Variants in VIT observed in about 807,000 individuals in gnomAD.
VIT encodes the protein vitrin.
Under a neutral mutation model 78.0 loss-of-function variants are expected in VIT, and 99 were observed. That is an observed-to-expected ratio of 1.27 (90% CI 1.08 to 1.50). VIT has a LOEUF of 1.50. Among genes scored for constraint, VIT ranks in the 40% most tolerant of loss-of-function variants. The pLI, the probability that VIT is intolerant of heterozygous loss-of-function variation, is 0.00. For synonymous variants in VIT, 374 were observed against 334.3 expected (o/e 1.12, Z -1.29); for missense variants, 1,126 against 875.3 (o/e 1.29, Z -3.61).
intron 12 of VIT, 83 bp downstream of exon 12, chr2:36,787,359 C>A: frequency 6.7e-7 from 1 of 1,491,200 alleles, no homozygotes; most frequent in Non-Finnish European, 9.0e-7. Context: ...TTTTATGCCA[C>A]AAATATTACC....
chr2:36,698,162 T>C (rs1466035862), intron 1 of VIT, among the ~76,000 whole-genome samples: 1 of 152,158 alleles, frequency 6.6e-6, no homozygotes, highest in African/African-American at 2.4e-5. Flanking sequence ...CATTTTTTTA[T>C]TGCAATATGC....
intron 15 of VIT, among the ~76,000 whole-genome samples, chr2:36,809,234 C>T (rs1021815040): frequency 3.3e-5 from 5 of 152,116 alleles, no homozygotes; most frequent in African/African-American, 1.2e-4. Flanking sequence ...CTGTGGATGA[C>T]TGGGCGCATT....
intron 6 of VIT, among the ~76,000 whole-genome samples, chr2:36,766,123 T>C (rs1235376770): frequency 6.6e-6 from 1 of 152,220 alleles, no homozygotes; most frequent in Admixed American, 6.5e-5. Context: ...TTCAGAGATA[T>C]TCTCAGAGCA....
chr2:36,762,677 G>T (rs1669195535), intron 6 of VIT, among the ~76,000 whole-genome samples: 2 of 152,156 alleles, frequency 1.3e-5, no homozygotes, highest in Admixed American at 1.3e-4. Context: ...CAGAAGAGAT[G>T]AAGGCTGAGC....
intron 1 of VIT, among the ~76,000 whole-genome samples, chr2:36,706,554 TTA>T (rs1256508518): frequency 6.6e-6 from 1 of 152,180 alleles, no homozygotes; most frequent in African/African-American, 2.4e-5. Context: ...TGCCGTCCTC[TTA>T]TACATCTTAT....
chr2:36,721,099 C>A (rs950859775), intron 2 of VIT, among the ~76,000 whole-genome samples: 3 of 151,840 alleles, frequency 2.0e-5, no homozygotes, highest in Non-Finnish European at 4.4e-5. Context: ...GCTTATAAAA[C>A]CGCATTGTTT....
At chr2:36,728,443 AAG>A (rs1200737109) in intron 2 of VIT, among the ~76,000 whole-genome samples, 2 of 152,150 alleles carry the variant, frequency 1.3e-5, no homozygotes, top group East Asian at 1.9e-4. Flanking sequence ...GTTATTACAA[AAG>A]AGTCAAACAG....
At chr2:36,720,465 G>T (rs1283825469) in intron 2 of VIT, among the ~76,000 whole-genome samples, 2 of 152,066 alleles carry the variant, frequency 1.3e-5, no homozygotes, top group African/African-American at 2.4e-5. Context: ...TGGGCCCTTA[G>T]CTCACACTGT....
rs1172950339 is a variant in VIT, at chr2:36,814,447, G to T, written c.*86G>T. On this transcript the variant is annotated 3_prime_UTR_variant, in exon 16 of 16. Transcript: ENST00000379242. ...CACCGCTTAATGGGGCACGCACGGT[G>T]CATCAAGTCTTGGGCAGGGCATGGA... The T allele has an allele frequency of 1.3e-5, 19 of 1,487,316 alleles. No individual in the cohort carries two copies. In the East Asian group the frequency reaches 4.1e-4, roughly 32 times the overall value. 92.1% of individuals were successfully genotyped at this position (1,487,316 alleles called of 1,614,324 possible). A position where few individuals can be genotyped will look rare whatever the true frequency, so the allele number is the denominator to read the frequency against.
chr2:36,781,736 A>G lies in VIT; in HGVS notation c.812A>G (p.Asp271Gly). 2 of 1,614,104 alleles carry G rather than the reference A, an allele frequency of 1.2e-6. No individual in the cohort carries two copies. The highest frequency in any genetic ancestry group is 1.7e-6 in the Non-Finnish European group (2 of 1,180,022). ...VGADVSLGEM[D>G]SWKPGSVLLD... The stretch of plus-strand genomic sequence containing the variant: ...CAATTTTGAAAATCAGGAGAGATGG[A>G]CTCATGGAAACCTGGATCGGTCCTT... Residue 271 changes from aspartate to glycine, a missense_variant, in exon 10 of 16, where the codon GAC becomes GGC. Transcript: ENST00000379242.
intron 3 of VIT, among the ~76,000 whole-genome samples, chr2:36,739,429 C>T (rs993169004): frequency 2.6e-5 from 4 of 152,194 alleles, no homozygotes; most frequent in Non-Finnish European, 5.9e-5. Flanking sequence ...GAAATATTTG[C>T]AGTTCTTCCT....
intron 15 of VIT, 52 bp downstream of exon 15, chr2:36,809,037 G>A: frequency 6.6e-7 from 1 of 1,519,882 alleles, no homozygotes; most frequent in South Asian, 1.3e-5. Context: ...TCTGGGGCTT[G>A]GTGGGCCAGT....
Position 36,767,192 on chromosome 2 carries a change from A to T in VIT, c.586A>T (p.Thr196Ser), listed in dbSNP as rs1572503419. ...TCTGGCTGTCACTGTAGCTGTGGCC[A>T]CCCCCACCACCTTGCCAAGGCCATC... Reference protein sequence around the residue: ...QLLAVTVAVATPTTLPRPSPS... With the variant: ...QLLAVTVAVASPTTLPRPSPS... Residue 196 changes from threonine (T) to serine (S), a missense_variant, in exon 7 of 16, where the codon ACC (threonine) becomes TCC (serine). Thr to Ser is a moderately conservative substitution (Grantham distance 58). Transcript: ENST00000379242. The T allele has an allele frequency of 6.2e-7, 1 of 1,609,858 alleles. No individual in the cohort carries two copies. The highest frequency in any genetic ancestry group is 1.1e-5 in the South Asian group (1 of 89,974).
At chr2:36,791,033 C>T (rs1665462792) in intron 12 of VIT, among the ~76,000 whole-genome samples, 1 of 152,152 alleles carries the variant, frequency 6.6e-6, no homozygotes, top group Admixed American at 6.5e-5. Context: ...TCATTTCAGG[C>T]CCCCATCTCA....
intron 15 of VIT, among the ~76,000 whole-genome samples, chr2:36,812,833 C>A (rs530579625): frequency 2.7e-5 from 4 of 150,852 alleles, no homozygotes; most frequent in Non-Finnish European, 5.9e-5. Flanking sequence ...ACCAAACTAC[C>A]AGTGTCTTGG....
chr2:36,787,108 G>C lies in VIT; in HGVS notation c.911-21G>C, dbSNP rs184994763. On this transcript the variant is annotated intron_variant, in intron 11 of 15. Coordinates refer to ENST00000379242, the MANE Select transcript of VIT (RefSeq NM_053276.4). Reference sequence around the variant, plus strand: ...GCAGTGAGAGATCATGAGAATAATAGAGTCTTTTTCCGTTCCGCAGACTGC... The same window carrying C: ...GCAGTGAGAGATCATGAGAATAATACAGTCTTTTTCCGTTCCGCAGACTGC... The C allele has an allele frequency of 7.7e-4, 1,246 of 1,613,954 alleles. 3 individuals are homozygous for C. Among genetic ancestry groups the C allele is most frequent in the Admixed American group, 1.5e-3 (93 of 60,004 alleles).
chr2:36,767,083 T>C lies in VIT; in HGVS notation c.488-11T>C, dbSNP rs752177077. The C allele has an allele frequency of 2.5e-6, 4 of 1,569,058 alleles. No homozygotes were observed. In the East Asian group the frequency reaches 9.2e-5, roughly 36 times the overall value. The stretch of plus-strand genomic sequence containing the variant: ...TTTTGTGGGCCTTGGTATAATTCCA[T>C]TTTCTTACAGGTGAGACCACAAAAG... On this transcript the variant is annotated splice_polypyrimidine_tract_variant and intron_variant, in intron 6 of 15. Coordinates refer to ENST00000379242, the MANE Select transcript of VIT (RefSeq NM_053276.4).
chr2:36,791,839 T>C (rs1009866807), intron 12 of VIT, among the ~76,000 whole-genome samples: 1 of 152,180 alleles, frequency 6.6e-6, no homozygotes, highest in African/African-American at 2.4e-5. Flanking sequence ...TTGTGTTGTT[T>C]AAGCCACCAA....
chr2:36,735,335 T>C, intron 3 of VIT, among the ~76,000 whole-genome samples: 1 of 152,226 alleles, frequency 6.6e-6, no homozygotes, highest in Admixed American at 6.5e-5. Context: ...CTCAGTTGTA[T>C]TGGATACAAT....
Sources: gnomAD v4.1 joint callset for allele counts (sites outside exome capture counted in the v4.1 genomes callset) on GRCh38, gnomAD v4.1.1 for gene constraint, MANE v1.5 for transcripts, NCBI Gene and HGNC (gene_info 2026-07-23, HGNC 2026-07-21) for gene names.